The following MYT1L variants were observed in gnomAD, a reference collection of about 807,000 sequenced individuals.
MYT1L encodes myelin transcription factor 1-like protein.
MYT1L carries 12 observed loss-of-function variants against 126.7 expected under a neutral mutation model. The observed-to-expected ratio is 0.09, with a 90% CI of 0.06 to 0.15. MYT1L has a LOEUF of 0.15. Among genes scored for constraint, MYT1L ranks in the 10% least tolerant of loss-of-function variants. The probability of loss-of-function intolerance (pLI) is 1.00; values close to 1 mark genes in which losing one functional copy is unlikely to be tolerated. For synonymous variants in MYT1L, 541 were observed against 604.2 expected (o/e 0.90, Z 1.53); for missense variants, 979 against 1,585.2 (o/e 0.62, Z 6.49).
At chr2:1,855,962 A>G (rs1265765008) in intron 18 of MYT1L, among the ~76,000 whole-genome samples, 1 of 152,232 alleles carries the variant, frequency 6.6e-6, no homozygotes, top group Admixed American at 6.5e-5. Context: ...TATCTGGTTG[A>G]AAAAATGTGT....
intron 1 of MYT1L, among the ~76,000 whole-genome samples, chr2:2,318,811 A>G (rs995299138): frequency 1.3e-5 from 2 of 152,196 alleles, no homozygotes; most frequent in African/African-American, 4.8e-5. Flanking sequence ...TTCTCACTTT[A>G]TATAATCTCA....
At chr2:2,036,556 A>G (rs2066875908) in intron 4 of MYT1L, among the ~76,000 whole-genome samples, 1 of 152,216 alleles carries the variant, frequency 6.6e-6, no homozygotes, top group South Asian at 2.1e-4. Flanking sequence ...CCATCCACAC[A>G]GCTCCTCATG....
At chr2:1,925,076 C>T (rs2054048665) in intron 9 of MYT1L, among the ~76,000 whole-genome samples, 1 of 152,146 alleles carries the variant, frequency 6.6e-6, no homozygotes, top group Admixed American at 6.5e-5. Flanking sequence ...TATGAAGACC[C>T]AACCACGAGA....
intron 3 of MYT1L, among the ~76,000 whole-genome samples, chr2:2,107,032 T>C (rs1057166472): frequency 2.6e-5 from 4 of 151,504 alleles, no homozygotes; most frequent in Non-Finnish European, 5.9e-5. Flanking sequence ...ATCTATAAAG[T>C]GGAGATCAAC....
At chr2:1,797,287 G>A (rs1004730903) in intron 23 of MYT1L, among the ~76,000 whole-genome samples, 27 of 152,128 alleles carry the variant, frequency 1.8e-4, no homozygotes, top group African/African-American at 5.8e-4. Context: ...CCCATGGCGC[G>A]ATCTTGGCTC....
At chr2:1,971,678 C>T (rs1191119279) in intron 8 of MYT1L, among the ~76,000 whole-genome samples, 3 of 152,216 alleles carry the variant, frequency 2.0e-5, no homozygotes, top group South Asian at 4.1e-4. Context: ...TTGCAGTGAG[C>T]TGAGATCGTG....
intron 3 of MYT1L, among the ~76,000 whole-genome samples, chr2:2,076,893 T>C (rs971493959): frequency 6.6e-6 from 1 of 152,174 alleles, no homozygotes; most frequent in Non-Finnish European, 1.5e-5. Context: ...GACTTTAAAC[T>C]AATTATTATA....
intron 2 of MYT1L, among the ~76,000 whole-genome samples, chr2:2,222,231 C>A (rs1158741239): frequency 2.0e-5 from 3 of 152,068 alleles, no homozygotes; most frequent in Non-Finnish European, 2.9e-5. Context: ...GTGGCTCAGG[C>A]CTGTCTGTAA....
At chr2:2,277,427 G>A (rs2095379380) in intron 2 of MYT1L, among the ~76,000 whole-genome samples, 3 of 152,210 alleles carry the variant, frequency 2.0e-5, no homozygotes, top group Non-Finnish European at 2.9e-5. Context: ...GGTCCCACGG[G>A]TGGACAGATT....
chr2:2,200,434 C>T (rs571598678), intron 2 of MYT1L, among the ~76,000 whole-genome samples: 4 of 152,116 alleles, frequency 2.6e-5, no homozygotes, highest in Admixed American at 6.5e-5. Context: ...CTGTGGCTTC[C>T]GACCCCTTCC....
chr2:1,965,842 G>A (rs1489200521), intron 8 of MYT1L, among the ~76,000 whole-genome samples: 5 of 152,224 alleles, frequency 3.3e-5, no homozygotes, highest in African/African-American at 9.6e-5. Flanking sequence ...TCTGGGCAGC[G>A]GACAAGGGAC....
intron 4 of MYT1L, among the ~76,000 whole-genome samples, chr2:2,026,098 G>C (rs1188970812): frequency 6.6e-6 from 1 of 152,168 alleles, no homozygotes; most frequent in African/African-American, 2.4e-5. Flanking sequence ...TCTAGTTAGG[G>C]GTCTAGGGCT....
At chr2:2,070,687 A>G (rs938221424) in intron 3 of MYT1L, among the ~76,000 whole-genome samples, 4 of 152,234 alleles carry the variant, frequency 2.6e-5, no homozygotes, top group African/African-American at 9.6e-5. Flanking sequence ...AAAGCAGGCA[A>G]CATCAGTTAT....
chr2:1,952,995 TTTC>T (rs2058024589), intron 8 of MYT1L, among the ~76,000 whole-genome samples: 2 of 81,090 alleles, frequency 2.5e-5, no homozygotes, highest in Admixed American at 1.1e-4. Context: ...CTTTCTTTCT[TTTC>T]TTTTCTTTTC....
intron 3 of MYT1L, among the ~76,000 whole-genome samples, chr2:2,148,729 T>C (rs547235104): frequency 2.6e-5 from 4 of 152,182 alleles, no homozygotes; most frequent in African/African-American, 9.7e-5. Context: ...GATTGGAAGC[T>C]TGGGGTAAAC....
intron 8 of MYT1L, among the ~76,000 whole-genome samples, chr2:1,960,353 G>A (rs1015045670): frequency 1.3e-5 from 2 of 152,176 alleles, no homozygotes; most frequent in African/African-American, 4.8e-5. Context: ...GGACAGGGCG[G>A]GGGACGGTGA....
At chr2:2,022,730 T>C (rs1169212140) in intron 4 of MYT1L, among the ~76,000 whole-genome samples, 2 of 151,242 alleles carry the variant, frequency 1.3e-5, no homozygotes, top group Non-Finnish European at 2.9e-5. Flanking sequence ...AAGTACACAA[T>C]ATGTGGGTGC....
intron 4 of MYT1L, among the ~76,000 whole-genome samples, chr2:2,037,919 G>A (rs1347934768): frequency 6.6e-6 from 1 of 151,936 alleles, no homozygotes; most frequent in Non-Finnish European, 1.5e-5. Flanking sequence ...TCAAATCACT[G>A]TGTAACCTCC....
chr2:2,194,690 C>T (rs936905056), intron 2 of MYT1L, among the ~76,000 whole-genome samples: 1 of 152,092 alleles, frequency 6.6e-6, no homozygotes, highest in Non-Finnish European at 1.5e-5. Context: ...GGCTGTGAGA[C>T]CTTCCCCCCT....
Sources: gnomAD v4.1 joint callset for allele counts (sites outside exome capture counted in the v4.1 genomes callset) on GRCh38, gnomAD v4.1.1 for gene constraint, MANE v1.5 for transcripts, NCBI Gene and HGNC (gene_info 2026-07-23, HGNC 2026-07-21) for gene names.